GABRB3: variants seen among roughly 807,000 people sequenced by gnomAD.
GABRB3 encodes the protein gamma-aminobutyric acid type A receptor subunit beta3.
Under a neutral mutation model 52.1 loss-of-function variants are expected in GABRB3, and 14 were observed. The ratio of observed to expected loss-of-function variants is 0.27; its 90% CI spans 0.18 to 0.42. GABRB3 has a LOEUF of 0.42. Ranked by LOEUF, GABRB3 falls within the 10% of genes least tolerant of loss-of-function variation. GABRB3 has a pLI of 1.00. For synonymous variants in GABRB3, 260 were observed against 232.3 expected (o/e 1.12, Z -1.08); for missense variants, 307 against 609.1 (o/e 0.50, Z 5.22).
At chr15:26,675,351 G>T (rs376749354) in intron 3 of GABRB3, among the ~76,000 whole-genome samples, 6 of 152,172 alleles carry the variant, frequency 3.9e-5, no homozygotes, top group African/African-American at 1.4e-4. Context: ...ATCCACACTC[G>T]GGCCCTTCCA....
At chr15:26,725,476 C>CCAATG (rs1249371208) in intron 3 of GABRB3, among the ~76,000 whole-genome samples, 1 of 152,110 alleles carries the variant, frequency 6.6e-6, no homozygotes, top group Non-Finnish European at 1.5e-5. Context: ...GACAAAAGCG[C>CCAATG]CAATGTTACT....
rs1385220120 is a variant in GABRB3 at position 26,583,195 on chromosome 15, CTG to C, written c.544+135_544+136del. Reference sequence around the variant, plus strand: ...TTTTATACTGAGTCTCTCTCTCTCTCTGTGTTTCTCTCTCTGTGTCTTCCCCT... The same window carrying C: ...TTTTATACTGAGTCTCTCTCTCTCTCTGTTTCTCTCTCTGTGTCTTCCCCT... On this transcript the variant is annotated intron_variant, in intron 5 of 8. Transcript: ENST00000311550. The C allele has an allele frequency of 6.3e-4, 451 of 713,944 alleles. 6 individuals are homozygous for C. Among genetic ancestry groups the C allele is most frequent in the South Asian group, 6.1e-3 (407 of 66,770 alleles). 44.2% of individuals were successfully genotyped at this position (713,944 alleles called of 1,614,324 possible). A position where few individuals can be genotyped will look rare whatever the true frequency, so the allele number is the denominator to read the frequency against.
intron 3 of GABRB3, among the ~76,000 whole-genome samples, chr15:26,720,862 G>A (rs867756412): frequency 6.6e-6 from 1 of 152,142 alleles, no homozygotes; most frequent in African/African-American, 2.4e-5. Context: ...AGTGCATTGT[G>A]CGGATATTCC....
chr15:26,756,740 G>A (rs558280822), intron 3 of GABRB3, among the ~76,000 whole-genome samples: 6 of 152,050 alleles, frequency 3.9e-5, no homozygotes, highest in Non-Finnish European at 2.9e-5. Flanking sequence ...ATCATGTATA[G>A]AGTTCACAGC....
At chr15:26,704,363 T>C (rs28721508) in intron 3 of GABRB3, among the ~76,000 whole-genome samples, 1 of 152,188 alleles carries the variant, frequency 6.6e-6, no homozygotes, top group Non-Finnish European at 1.5e-5. Flanking sequence ...CCATGGGAAG[T>C]CCTTGAACCT....
intron 3 of GABRB3, among the ~76,000 whole-genome samples, chr15:26,697,130 A>T (rs1888766432): frequency 6.6e-6 from 1 of 152,212 alleles, no homozygotes; most frequent in African/African-American, 2.4e-5. Flanking sequence ...AGATCCCCAC[A>T]GATTCCTTAG....
chr15:26,719,582 T>C (rs760359200), intron 3 of GABRB3, among the ~76,000 whole-genome samples: 1 of 152,208 alleles, frequency 6.6e-6, no homozygotes, highest in South Asian at 2.1e-4. Context: ...CAGATATTTA[T>C]TATCATTCAA....
rs927949358 is a variant in GABRB3, at chr15:26,583,613, GA to G, written c.462-200del. Among the ~76,000 whole-genome samples, 564 of 141,016 alleles carry G rather than the reference GA, an allele frequency of 4.0e-3. 2 individuals are homozygous for G. The highest frequency in any genetic ancestry group is 7.3e-3 in the Middle Eastern group (2 of 274). The allele number at this position is 141,016 out of a possible 152,430, so 92.5% of individuals were successfully genotyped here. A position where few individuals can be genotyped will look rare whatever the true frequency, so the allele number is the denominator to read the frequency against. On this transcript the variant is annotated intron_variant, in intron 4 of 8. Coordinates refer to ENST00000311550, the MANE Select transcript of GABRB3 (RefSeq NM_000814.6). ...CATAATATAGACCAGATTTATCAAG[GA>G]AAAAAAAAACACAAAACTTTATTTT...
intron 3 of GABRB3, among the ~76,000 whole-genome samples, chr15:26,741,405 T>C (rs1890203848): frequency 6.6e-6 from 1 of 152,152 alleles, no homozygotes; most frequent in Non-Finnish European, 1.5e-5. Flanking sequence ...TCCATCTCCA[T>C]TAAAAAGACA....
At chr15:26,721,104 G>A (rs1331041191) in intron 3 of GABRB3, among the ~76,000 whole-genome samples, 1 of 152,122 alleles carries the variant, frequency 6.6e-6, no homozygotes, top group African/African-American at 2.4e-5. Context: ...GAAAATGTGT[G>A]GATGCTCCGG....
At chr15:26,763,727 A>T (rs1890886949) in intron 3 of GABRB3, among the ~76,000 whole-genome samples, 1 of 152,158 alleles carries the variant, frequency 6.6e-6, no homozygotes. Flanking sequence ...AATAAAATTT[A>T]AAAGAACAGT....
At chr15:26,584,322 G>A (rs923479159) in intron 4 of GABRB3, among the ~76,000 whole-genome samples, 3 of 152,154 alleles carry the variant, frequency 2.0e-5, no homozygotes, top group Non-Finnish European at 2.9e-5. Context: ...CAGAGCCTAT[G>A]TGTGGGACAC....
intron 3 of GABRB3, among the ~76,000 whole-genome samples, chr15:26,737,964 T>C (rs1423253026): frequency 9.2e-5 from 14 of 152,244 alleles, no homozygotes; most frequent in Admixed American, 7.9e-4. Context: ...CGAGTCCTTG[T>C]CTAAGTTCCT....
intron 5 of GABRB3, among the ~76,000 whole-genome samples, chr15:26,581,558 C>T (rs911933582): frequency 5.3e-5 from 8 of 152,220 alleles, no homozygotes; most frequent in African/African-American, 1.7e-4. Flanking sequence ...CAAGAACCTA[C>T]AGGCCTGACC....
At chr15:26,614,647 G>C (rs980496961) in intron 4 of GABRB3, 1 of 152,178 alleles carries the variant, frequency 6.6e-6, no homozygotes, top group Non-Finnish European at 1.5e-5. Context: ...TAATACCTCT[G>C]TGAGTTGATA....
At chr15:26,625,545 A>G in intron 3 of GABRB3, 4 of 961,448 alleles carry the variant, frequency 4.2e-6, no homozygotes, top group Non-Finnish European at 4.9e-6. Context: ...CTGCAGAAAC[A>G]GAAGATACTT....
intron 7 of GABRB3, among the ~76,000 whole-genome samples, chr15:26,566,489 G>A (rs1260315567): frequency 2.6e-5 from 4 of 152,172 alleles, no homozygotes; most frequent in Non-Finnish European, 4.4e-5. Context: ...ACTCTGGGAG[G>A]CTGAGGTGGG....
intron 3 of GABRB3, among the ~76,000 whole-genome samples, chr15:26,682,395 G>C (rs1888267146): frequency 6.6e-6 from 1 of 152,184 alleles, no homozygotes; most frequent in Non-Finnish European, 1.5e-5. Context: ...AGCACATAAA[G>C]CCTTATCATG....
At chr15:26,748,854 G>A (rs910146050) in intron 3 of GABRB3, among the ~76,000 whole-genome samples, 2 of 151,910 alleles carry the variant, frequency 1.3e-5, no homozygotes, top group East Asian at 2.0e-4. Context: ...GGTGAAACCC[G>A]GTCTCTGCTA....
Sources: gnomAD v4.1 joint callset for allele counts (sites outside exome capture counted in the v4.1 genomes callset) on GRCh38, gnomAD v4.1.1 for gene constraint, MANE v1.5 for transcripts, NCBI Gene and HGNC (gene_info 2026-07-23, HGNC 2026-07-21) for gene names.